RBPJ: variants seen among roughly 807,000 people sequenced by gnomAD.
RBPJ encodes recombining binding protein suppressor of hairless.
A neutral mutation model predicts 67.8 loss-of-function variants in RBPJ; 9 were observed. The observed-to-expected ratio is 0.13, with a 90% CI of 0.08 to 0.23. RBPJ has a LOEUF of 0.23. Ranked by LOEUF, RBPJ falls within the 10% of genes least tolerant of loss-of-function variation. RBPJ has a pLI of 1.00. For missense variants in RBPJ, 305 were observed against 595.6 expected, an observed-to-expected ratio of 0.51 and a Z score of 5.08; for synonymous variants, 198 against 203.3, an observed-to-expected ratio of 0.97 and a Z score of 0.22.
At chr4:26,371,613 A>T (rs1729168880) in intron 1 of RBPJ, among the ~76,000 whole-genome samples, 1 of 152,090 alleles carries the variant, frequency 6.6e-6, no homozygotes, top group Non-Finnish European at 1.5e-5. Context: ...TAGGAGTCTG[A>T]ATTTGAGTGA....
chr4:26,398,704 T>C (rs1487322681), intron 2 of RBPJ, among the ~76,000 whole-genome samples: 1 of 152,140 alleles, frequency 6.6e-6, no homozygotes, highest in Non-Finnish European at 1.5e-5. Context: ...ACTTCTGCCT[T>C]CCACGTTCAA....
intron 1 of RBPJ, among the ~76,000 whole-genome samples, chr4:26,244,145 G>GTACACATATATGTATATATATATGTA (rs1365180055): frequency 3.2e-4 from 44 of 137,426 alleles, no homozygotes; most frequent in African/African-American, 1.1e-3. Flanking sequence ...ATATATATGT[G>GTACACATATATGTATATATATATGTA]TACACATATA....
chr4:26,365,613 G>C (rs1728542794), intron 1 of RBPJ, among the ~76,000 whole-genome samples: 1 of 152,164 alleles, frequency 6.6e-6, no homozygotes, highest in Admixed American at 6.5e-5. Context: ...CATTTATGTG[G>C]ATATTGTTTA....
At chr4:26,158,849 A>T (rs1016017247), upstream of RBPJ, among the ~76,000 whole-genome samples, 10 of 152,256 alleles carry the variant, frequency 6.6e-5, no homozygotes, top group African/African-American at 2.4e-4. Context: ...AAGATGAGGA[A>T]CTAAAAGCCA....
the RBPJ span, among the ~76,000 whole-genome samples, chr4:26,132,130 C>T: frequency 6.6e-6 from 1 of 151,138 alleles, no homozygotes; most frequent in African/African-American, 2.4e-5. Context: ...CTGTGGGTGG[C>T]TGCCAAAAAA....
chr4:26,167,426 C>A (rs1577427256), intron 1 of RBPJ, among the ~76,000 whole-genome samples: 1 of 147,936 alleles, frequency 6.8e-6, no homozygotes, highest in East Asian at 2.0e-4. Context: ...TGAAGAGGTC[C>A]TTCACGTCCC....
chr4:26,286,788 CTT>C (rs755346375), intron 1 of RBPJ, among the ~76,000 whole-genome samples: 104 of 134,876 alleles, frequency 7.7e-4, no homozygotes, highest in Admixed American at 1.6e-3. Context: ...AGTAAAACCT[CTT>C]TTTTTTTTTT....
At chr4:26,310,849 T>C (rs1436706253) in intron 1 of RBPJ, among the ~76,000 whole-genome samples, 2 of 152,012 alleles carry the variant, frequency 1.3e-5, no homozygotes, top group East Asian at 1.9e-4. Context: ...TTTATATTTT[T>C]AGTAGAGACA....
the RBPJ span, among the ~76,000 whole-genome samples, chr4:26,156,414 C>CTTT: frequency 5.8e-3 from 543 of 93,508 alleles, 2 homozygotes; most frequent in East Asian, 9.4e-3. Context: ...TCTTTTCTTT[C>CTTT]TTTTTTTTTT....
chr4:26,365,634 G>A (rs1477027571), intron 1 of RBPJ, among the ~76,000 whole-genome samples: 3 of 152,188 alleles, frequency 2.0e-5, no homozygotes, highest in Non-Finnish European at 2.9e-5. Context: ...GTTCCACTAA[G>A]TGTATGTTTC....
At chr4:26,215,521 C>T (rs1037430270) in intron 1 of RBPJ, among the ~76,000 whole-genome samples, 2 of 152,070 alleles carry the variant, frequency 1.3e-5, no homozygotes, top group African/African-American at 4.8e-5. Context: ...TTGAAGGACT[C>T]TTACAGATGC....
chr4:26,295,077 T>G (rs1721819357), intron 1 of RBPJ, among the ~76,000 whole-genome samples: 1 of 152,152 alleles, frequency 6.6e-6, no homozygotes, highest in African/African-American at 2.4e-5. Flanking sequence ...TAATGGGTTT[T>G]GGGCTTTGGG....
rs897964346 is a variant in RBPJ, at chr4:26,431,184, T to TAAAAAAAA, written c.*197_*204dup. On this transcript the variant is annotated 3_prime_UTR_variant, in exon 11 of 11. Coordinates refer to ENST00000355476, the MANE Select transcript of RBPJ (RefSeq NM_015874.6). ...CTGATTTGAAATGCAGAAGCCACAG[T>TAAAAAAAA]AAAAAAAAAAAAAAAAAAAAAAAAA... 5.4e-4 allele frequency: 22 copies of TAAAAAAAA among 40,642 alleles called. No homozygotes were observed. Among genetic ancestry groups the TAAAAAAAA allele is most frequent in the Non-Finnish European group, 6.8e-4 (14 of 20,662 alleles). The allele number at this position is 40,642 out of a possible 1,614,324, so 2.5% of individuals were successfully genotyped here.
chr4:26,158,722 T>C (rs1379377160), upstream of RBPJ, among the ~76,000 whole-genome samples: 1 of 152,200 alleles, frequency 6.6e-6, no homozygotes, highest in African/African-American at 2.4e-5. Context: ...GTGTAGACTT[T>C]GAATTATTTC....
chr4:26,253,170 G>A (rs1205514119), intron 1 of RBPJ, among the ~76,000 whole-genome samples: 2 of 151,928 alleles, frequency 1.3e-5, no homozygotes, highest in East Asian at 1.9e-4. Context: ...CGGGTAACCC[G>A]GTATTACTCA....
chr4:26,178,736 C>G (rs1577439975), intron 1 of RBPJ, among the ~76,000 whole-genome samples: 1 of 150,990 alleles, frequency 6.6e-6, no homozygotes, highest in East Asian at 1.9e-4. Flanking sequence ...CGATGTAATT[C>G]CACCGAGAAC....
At chr4:26,174,556 G>A (rs1045201870) in intron 1 of RBPJ, among the ~76,000 whole-genome samples, 3 of 152,066 alleles carry the variant, frequency 2.0e-5, no homozygotes, top group Admixed American at 1.3e-4. Context: ...GGCAACCTCC[G>A]CCTCCCAGGT....
chr4:26,375,751 C>T (rs571345792), intron 1 of RBPJ, among the ~76,000 whole-genome samples: 16 of 152,210 alleles, frequency 1.1e-4, no homozygotes, highest in African/African-American at 3.6e-4. Flanking sequence ...TTTGTTGGGA[C>T]GCACACAAAG....
Position 26,415,552 on chromosome 4 carries a change from G to T in RBPJ, c.233G>T (p.Gly78Val). ...KKKKEQMERD[G>V]CSEQESQPCA... ...AAAAAAGAACAAATGGAACGCGATG[G>T]TTGTTCTGAACAAGAGTCTCAACCG... The change falls in exon 4 of 11, where the codon GGT becomes GTT. Residue 78 changes from glycine (G) to valine (V), a missense_variant. Physicochemically the swap from Gly to Val is moderately radical, Grantham distance 109. Coordinates refer to ENST00000355476, the MANE Select transcript of RBPJ (RefSeq NM_015874.6). The T allele has an allele frequency of 6.2e-7, 1 of 1,613,334 alleles. No homozygotes were observed. Among genetic ancestry groups the T allele is most frequent in the Non-Finnish European group, 8.5e-7 (1 of 1,179,550 alleles).
Sources: gnomAD v4.1 joint callset for allele counts (sites outside exome capture counted in the v4.1 genomes callset) on GRCh38, gnomAD v4.1.1 for gene constraint, MANE v1.5 for transcripts, NCBI Gene and HGNC (gene_info 2026-07-23, HGNC 2026-07-21) for gene names.